The following PTPN13 variants were observed in gnomAD, a reference collection of about 807,000 sequenced individuals.
The protein encoded by PTPN13 is tyrosine-protein phosphatase non-receptor type 13.
Under a neutral mutation model 284.0 loss-of-function variants are expected in PTPN13, and 191 were observed. The observed-to-expected ratio is 0.67, with a 90% confidence interval of 0.60 to 0.76. PTPN13 has a LOEUF of 0.76. PTPN13 is among the 30% of genes least tolerant of loss of function. The pLI is 0.00. For missense variants in PTPN13, 2,797 were observed against 2,939.9 expected (o/e 0.95, Z 1.12); for synonymous variants, 986 against 1,022.3 (o/e 0.96, Z 0.68).
At chr4:86,612,898 TG>T (rs200331981) in intron 1 of PTPN13, among the ~76,000 whole-genome samples, 12 of 152,066 alleles carry the variant, frequency 7.9e-5, no homozygotes, top group Non-Finnish European at 1.3e-4. Flanking sequence ...CGAAATAAAG[TG>T]GTTTTTTTTC....
intron 9 of PTPN13, among the ~76,000 whole-genome samples, chr4:86,717,555 T>G (rs1048141425): frequency 2.0e-5 from 3 of 152,270 alleles, no homozygotes; most frequent in Admixed American, 6.5e-5. Context: ...CTAGCTCTCT[T>G]TGTTTTTATA....
At chr4:86,779,919 T>C (rs992245081) in intron 35 of PTPN13, among the ~76,000 whole-genome samples, 1 of 152,316 alleles carries the variant, frequency 6.6e-6, no homozygotes, top group East Asian at 1.9e-4. Context: ...GCTTTAGATA[T>C]ATAAAACTTA....
In PTPN13 at chr4:86,803,650, G is replaced by A. The variant is rs1296131739; in HGVS notation, c.6506-59G>A. On this transcript the variant is annotated intron_variant, in intron 42 of 47. Coordinates refer to ENST00000411767, the MANE Select transcript of PTPN13 (RefSeq NM_080683.3). ...ATGAGGTGAACATAGGCTGAAATTAGTTCACTTAGTTAAATTGGTTCTGGA... is the reference window on the plus strand; with the variant it reads ...ATGAGGTGAACATAGGCTGAAATTAATTCACTTAGTTAAATTGGTTCTGGA... 4 of 1,551,188 alleles carry A rather than the reference G, an allele frequency of 2.6e-6. No individual in the cohort carries two copies. The African/African-American group carries it at 5.4e-5, about 21-fold the overall frequency.
chr4:86,705,333 C>CAAAAAAAAAAAAAAAAA (rs759784072), intron 7 of PTPN13, among the ~76,000 whole-genome samples: 5 of 95,376 alleles, frequency 5.2e-5, no homozygotes, highest in African/African-American at 1.6e-4. Context: ...GACTCCGTCT[C>CAAAAAAAAAAAAAAAAA]AAAAAAAAAA....
At chr4:86,811,932 G>C (rs182818959) in intron 47 of PTPN13, among the ~76,000 whole-genome samples, 396 of 152,270 alleles carry the variant, frequency 2.6e-3, no homozygotes, top group Non-Finnish European at 4.8e-3. Context: ...CATTTTGATT[G>C]TTATAAGCAG....
intron 1 of PTPN13, among the ~76,000 whole-genome samples, chr4:86,631,425 T>C (rs1264489671): frequency 4.6e-5 from 7 of 152,192 alleles, no homozygotes; most frequent in Non-Finnish European, 1.0e-4. Context: ...TATAAGCTGA[T>C]AGCTTTGTTG....
chr4:86,613,559 G>A (rs1190801281), intron 1 of PTPN13, among the ~76,000 whole-genome samples: 4 of 151,358 alleles, frequency 2.6e-5, no homozygotes, highest in Admixed American at 6.6e-5. Context: ...GCATGAACCC[G>A]GGAGGCGGCG....
At chr4:86,685,127 G>T (rs1479995788) in intron 3 of PTPN13, among the ~76,000 whole-genome samples, 1 of 152,076 alleles carries the variant, frequency 6.6e-6, no homozygotes, top group African/African-American at 2.4e-5. Context: ...TGCATTTCCA[G>T]TTTTCCCTGT....
At chr4:86,706,094 C>T (rs188367978) in intron 7 of PTPN13, among the ~76,000 whole-genome samples, 1 of 152,272 alleles carries the variant, frequency 6.6e-6, no homozygotes, top group East Asian at 1.9e-4. Context: ...GACACAAGAC[C>T]TTCAAATCAT....
At chr4:86,713,624 G>C (rs1359125659) in intron 7 of PTPN13, among the ~76,000 whole-genome samples, 1 of 151,834 alleles carries the variant, frequency 6.6e-6, no homozygotes, top group African/African-American at 2.4e-5. Context: ...CATACACAAA[G>C]CCAGACAAAG....
intron 16 of PTPN13, among the ~76,000 whole-genome samples, chr4:86,742,196 A>G (rs1173116555): frequency 3.3e-5 from 5 of 152,212 alleles, no homozygotes; most frequent in African/African-American, 1.2e-4. Flanking sequence ...TGTCTGGCCC[A>G]ATAGTAAACC....
intron 25 of PTPN13, 56 bp downstream of exon 25, chr4:86,764,780 T>C (rs1320786829): frequency 1.3e-6 from 2 of 1,539,060 alleles, no homozygotes; most frequent in Non-Finnish European, 1.7e-6. Context: ...CAGCAGCCTA[T>C]TGTATGTCAA....
At chr4:86,696,649 G>A (rs949041014) in intron 6 of PTPN13, among the ~76,000 whole-genome samples, 1 of 151,896 alleles carries the variant, frequency 6.6e-6, no homozygotes, top group Admixed American at 6.6e-5. Flanking sequence ...AGCGTTGACT[G>A]TCATGACTTT....
intron 8 of PTPN13, 92 bp downstream of exon 8, chr4:86,716,717 A>G (rs1249247270): frequency 2.3e-5 from 23 of 995,282 alleles, no homozygotes; most frequent in Non-Finnish European, 2.9e-5. Flanking sequence ...AAATTGCCAG[A>G]AAGAATAATA....
intron 1 of PTPN13, among the ~76,000 whole-genome samples, chr4:86,603,662 C>T (rs1306696387): frequency 6.6e-6 from 1 of 152,042 alleles, no homozygotes; most frequent in East Asian, 1.9e-4. Flanking sequence ...TACCCAGTTC[C>T]CTTTTTTAAC....
At chr4:86,655,492 C>T (rs1205146199) in intron 2 of PTPN13, among the ~76,000 whole-genome samples, 1 of 152,068 alleles carries the variant, frequency 6.6e-6, no homozygotes, top group Non-Finnish European at 1.5e-5. Context: ...ATTTCTCCTT[C>T]ACTTATGAAG....
chr4:86,802,402 A>G (rs1414093029), intron 42 of PTPN13, among the ~76,000 whole-genome samples: 1 of 152,164 alleles, frequency 6.6e-6, no homozygotes, highest in Non-Finnish European at 1.5e-5. Context: ...TTGCAGGGAA[A>G]AGAAGCAAGC....
chr4:86,652,605 G>T (rs1312994701), intron 2 of PTPN13, among the ~76,000 whole-genome samples: 1 of 152,126 alleles, frequency 6.6e-6, no homozygotes, highest in Non-Finnish European at 1.5e-5. Flanking sequence ...CCTATGAGGT[G>T]TCCAGTAGGA....
At chr4:86,684,942 G>A (rs1729281200) in intron 3 of PTPN13, among the ~76,000 whole-genome samples, 1 of 152,144 alleles carries the variant, frequency 6.6e-6, no homozygotes, top group Admixed American at 6.5e-5. Flanking sequence ...GAAGCAATCA[G>A]GACTTTCTCT....
Sources: gnomAD v4.1 joint callset for allele counts (sites outside exome capture counted in the v4.1 genomes callset) on GRCh38, gnomAD v4.1.1 for gene constraint, MANE v1.5 for transcripts, NCBI Gene and HGNC (gene_info 2026-07-23, HGNC 2026-07-21) for gene names.